Variants in BACH2 observed in about 807,000 individuals in gnomAD.
The protein encoded by BACH2 is BACH transcriptional regulator 2, also known as transcription regulator protein BACH2.
In BACH2, 5 loss-of-function variants were observed where a neutral mutation model predicts 61.8. That is an observed-to-expected ratio of 0.08 (90% CI 0.04 to 0.17). The LOEUF is 0.17. Among genes scored for constraint, BACH2 ranks in the 10% least tolerant of loss-of-function variants. BACH2 has a pLI of 1.00. For synonymous variants in BACH2, 446 were observed against 440.1 expected (o/e 1.01, Z -0.17); for missense variants, 824 against 1,091.1 (o/e 0.76, Z 3.45).
intron 4 of BACH2, among the ~76,000 whole-genome samples, chr6:90,145,893 A>ATCCTATCT (rs1455597624): frequency 2.0e-5 from 3 of 152,210 alleles, no homozygotes; most frequent in Non-Finnish European, 1.5e-5. Context: ...GAGGAAGACA[A>ATCCTATCT]TGTCCTTGTG....
intron 5 of BACH2, chr6:90,062,969 A>T: frequency 1.0e-6 from 1 of 975,774 alleles, no homozygotes; most frequent in Non-Finnish European, 1.2e-6. Context: ...TTTACCTGGC[A>T]ATTTGAATAA....
In BACH2 at chr6:89,932,032, G is replaced by GA. The variant is rs549796526; in HGVS notation, c.*375dup. On this transcript the variant is annotated 3_prime_UTR_variant, in exon 9 of 9. Coordinates refer to ENST00000257749, the MANE Select transcript of BACH2 (RefSeq NM_021813.4). ...GATGTGTATAGAAGCTGTCTTCAATGAAAAAAATTGAACATTCAGAAGAAA... is the reference window on the plus strand; with the variant it reads ...GATGTGTATAGAAGCTGTCTTCAATGAAAAAAAATTGAACATTCAGAAGAAA... 2.6e-4 allele frequency: 47 copies of GA among 182,614 alleles called. No homozygotes were observed. The East Asian group carries it at 4.9e-3, about 19-fold the overall frequency. 11.3% of individuals were successfully genotyped at this position (182,614 alleles called of 1,614,324 possible). A position where few individuals can be genotyped will look rare whatever the true frequency, so the allele number is the denominator to read the frequency against.
chr6:90,230,914 G>T (rs576176654), intron 3 of BACH2, among the ~76,000 whole-genome samples: 1 of 152,178 alleles, frequency 6.6e-6, no homozygotes, highest in Admixed American at 6.5e-5. Flanking sequence ...ATCATCCCTG[G>T]TGAGAAGCAT....
chr6:90,065,981 A>T (rs576914499), intron 5 of BACH2, among the ~76,000 whole-genome samples: 8 of 152,300 alleles, frequency 5.3e-5, no homozygotes, highest in Admixed American at 2.6e-4. Flanking sequence ...TTTCATAAAG[A>T]ATGGGTAGAA....
At chr6:90,178,538 C>T (rs181136424) in intron 4 of BACH2, among the ~76,000 whole-genome samples, 98 of 152,284 alleles carry the variant, frequency 6.4e-4, no homozygotes, top group Middle Eastern at 3.4e-3. Flanking sequence ...TTTTCAGTAA[C>T]CACTCCTTCC....
chr6:90,011,455 T>A (rs1202482584), intron 5 of BACH2, among the ~76,000 whole-genome samples: 3 of 152,242 alleles, frequency 2.0e-5, no homozygotes, highest in African/African-American at 7.2e-5. Context: ...TTTGTACTTT[T>A]ACTGAAAATC....
intron 6 of BACH2, among the ~76,000 whole-genome samples, chr6:90,006,203 C>T (rs879600748): frequency 6.6e-6 from 1 of 152,220 alleles, no homozygotes; most frequent in Non-Finnish European, 1.5e-5. Flanking sequence ...TCCAGTCCAA[C>T]CTGGGCAACA....
chr6:90,234,254 T>C (rs1770191048), intron 3 of BACH2, among the ~76,000 whole-genome samples: 1 of 152,232 alleles, frequency 6.6e-6, no homozygotes. Context: ...CTTCAGTCGG[T>C]GGTGCAAGTG....
chr6:90,168,464 T>C (rs1261423401), intron 4 of BACH2, among the ~76,000 whole-genome samples: 1 of 152,234 alleles, frequency 6.6e-6, no homozygotes, highest in Non-Finnish European at 1.5e-5. Context: ...ATTATTGACA[T>C]GCAAAGATTT....
chr6:90,112,022 C>T (rs1034967867), intron 4 of BACH2, among the ~76,000 whole-genome samples: 2 of 152,126 alleles, frequency 1.3e-5, no homozygotes, highest in East Asian at 1.9e-4. Context: ...TGTAATTCTC[C>T]GTCACTAGTA....
intron 6 of BACH2, among the ~76,000 whole-genome samples, chr6:89,955,391 T>C (rs1774369548): frequency 1.3e-5 from 2 of 152,218 alleles, no homozygotes; most frequent in African/African-American, 4.8e-5. Context: ...ATATGAGTAG[T>C]TGTCAACTGA....
intron 3 of BACH2, among the ~76,000 whole-genome samples, chr6:90,247,639 C>T (rs541325228): frequency 4.6e-4 from 70 of 152,146 alleles, no homozygotes; most frequent in Non-Finnish European, 4.1e-4. Flanking sequence ...TCTTCACTCC[C>T]CTAAAGTATA....
chr6:90,030,025 T>C (rs934310163), intron 5 of BACH2, among the ~76,000 whole-genome samples: 1 of 152,216 alleles, frequency 6.6e-6, no homozygotes, highest in South Asian at 2.1e-4. Context: ...AAGCTCTCTG[T>C]GCTCAAATAC....
At chr6:90,191,361 G>A (rs1172033788) in intron 4 of BACH2, among the ~76,000 whole-genome samples, 1 of 152,204 alleles carries the variant, frequency 6.6e-6, no homozygotes, top group Non-Finnish European at 1.5e-5. Flanking sequence ...AAGTCCTAGA[G>A]ACTTGCTTTA....
chr6:90,112,596 G>C (rs1290425817), intron 4 of BACH2, among the ~76,000 whole-genome samples: 1 of 152,144 alleles, frequency 6.6e-6, no homozygotes, highest in Non-Finnish European at 1.5e-5. Flanking sequence ...AAGAGATCTT[G>C]AAAGGTGCAC....
chr6:89,956,022 A>C (rs1002455542), intron 6 of BACH2, among the ~76,000 whole-genome samples: 9 of 152,218 alleles, frequency 5.9e-5, no homozygotes, highest in African/African-American at 1.9e-4. Context: ...ATGGAGTTGC[A>C]TCCCTCTGCT....
intron 3 of BACH2, among the ~76,000 whole-genome samples, chr6:90,220,618 A>C (rs543702513): frequency 1.4e-4 from 21 of 152,210 alleles, no homozygotes; most frequent in Admixed American, 2.0e-4. Flanking sequence ...GGGACATTAA[A>C]ATTCTGCTGC....
At chr6:89,970,102 A>C (rs1775277571) in intron 6 of BACH2, among the ~76,000 whole-genome samples, 1 of 152,230 alleles carries the variant, frequency 6.6e-6, no homozygotes, top group African/African-American at 2.4e-5. Context: ...AAATAGGTGA[A>C]ATTATAAAGT....
At chr6:89,996,606 C>CG (rs1237277347) in intron 6 of BACH2, among the ~76,000 whole-genome samples, 1 of 152,134 alleles carries the variant, frequency 6.6e-6, no homozygotes, top group Non-Finnish European at 1.5e-5. Flanking sequence ...CTTTGCCACA[C>CG]CAGTGTCCTC....
Sources: allele counts gnomAD v4.1 joint callset (sites outside exome capture counted in the v4.1 genomes callset), GRCh38; gene constraint gnomAD v4.1.1; transcripts MANE v1.5; gene names NCBI Gene and HGNC (gene_info 2026-07-23, HGNC 2026-07-21).